GRIN3A: variants seen among roughly 807,000 people sequenced by gnomAD.
GRIN3A encodes glutamate receptor ionotropic, NMDA 3A.
In GRIN3A, 47 loss-of-function variants were observed where a neutral mutation model predicts 92.4. The observed-to-expected ratio is 0.51, with a 90% CI of 0.40 to 0.65. GRIN3A has a LOEUF of 0.65. Ranked by LOEUF, GRIN3A falls within the 30% of genes least tolerant of loss-of-function variation. The probability of loss-of-function intolerance (pLI) is 0.00; values close to 1 mark genes in which losing one functional copy is unlikely to be tolerated. For synonymous variants in GRIN3A, 527 were observed against 540.6 expected, an observed-to-expected ratio of 0.97 and a Z score of 0.35; for missense variants, 1,324 against 1,393.1, an observed-to-expected ratio of 0.95 and a Z score of 0.79.
chr9:101,612,161 G>A (rs1397207266), intron 6 of GRIN3A, among the ~76,000 whole-genome samples: 3 of 152,224 alleles, frequency 2.0e-5, no homozygotes, highest in Admixed American at 2.0e-4. Flanking sequence ...AACTAGTTAG[G>A]AGACTTTTAT....
intron 3 of GRIN3A, among the ~76,000 whole-genome samples, chr9:101,631,667 C>T (rs1307194236): frequency 6.6e-6 from 1 of 152,136 alleles, no homozygotes; most frequent in African/African-American, 2.4e-5. Context: ...TGTATTTGCT[C>T]ATCAGCTCCC....
At chr9:101,669,469 T>C (rs1009872424) in intron 3 of GRIN3A, among the ~76,000 whole-genome samples, 5 of 152,104 alleles carry the variant, frequency 3.3e-5, no homozygotes, top group African/African-American at 1.2e-4. Context: ...CTATGCAAGG[T>C]AGTCAGCTGA....
At chr9:101,654,992 C>A (rs1161884524) in intron 3 of GRIN3A, among the ~76,000 whole-genome samples, 7 of 151,790 alleles carry the variant, frequency 4.6e-5, no homozygotes, top group African/African-American at 1.7e-4. Flanking sequence ...GAATGAATTT[C>A]CTTCCTGCCA....
intron 1 of GRIN3A, among the ~76,000 whole-genome samples, chr9:101,710,162 G>A (rs117984645): frequency 0.01 from 1,556 of 152,250 alleles, 14 homozygotes; most frequent in South Asian, 0.017. Flanking sequence ...GGTAATTATA[G>A]GTAAATGATC....
At chr9:101,646,441 TCAGGTAGTGTGCTGATGC>T (rs773227925) in intron 3 of GRIN3A, among the ~76,000 whole-genome samples, 39 of 152,060 alleles carry the variant, frequency 2.6e-4, no homozygotes, top group Non-Finnish European at 4.6e-4. Context: ...TATTTTGAAA[TCAGGTAGTGTGCTGATGC>T]CAGGATTATT....
At chr9:101,661,334 C>T (rs1473104266) in intron 3 of GRIN3A, among the ~76,000 whole-genome samples, 2 of 151,768 alleles carry the variant, frequency 1.3e-5, no homozygotes, top group Non-Finnish European at 2.9e-5. Context: ...AGAAATAATA[C>T]AATAAATATT....
At position 101,670,797 on chromosome 9, in the gene GRIN3A, C is replaced by T. The variant is rs1410709115; in HGVS notation, c.1615G>A (p.Ala539Thr). The change falls in exon 3 of 9, where the codon GCT (alanine) becomes ACT (threonine). Residue 539 changes from alanine to threonine, a missense_variant. Transcript: ENST00000361820. ...ATGGGGTCTAGACAGAGTTGGCCAG[C>T]AGGGCACAAGCCTTCATCATCTACC... ...REVDDEGLCPAGQLCLDPMTN... is the reference protein window; with the variant it reads ...REVDDEGLCPTGQLCLDPMTN... 1 of 1,614,058 alleles carries T rather than the reference C, an allele frequency of 6.2e-7. No individual in the cohort carries two copies. The highest frequency in any genetic ancestry group is 8.5e-7 in the Non-Finnish European group (1 of 1,179,962).
intron 1 of GRIN3A, among the ~76,000 whole-genome samples, chr9:101,723,195 T>C (rs888392298): frequency 7.9e-5 from 12 of 152,164 alleles, no homozygotes; most frequent in African/African-American, 2.7e-4. Context: ...TCGCGGTGAG[T>C]GTTACAGCTC....
Position 101,613,403 on chromosome 9 carries a change from A to G in GRIN3A, c.2739T>C (p.Cys913=). The change falls in exon 6 of 9, where the codon TGT becomes TGC. Residue 913 remains cysteine (C), a synonymous_variant. Coordinates refer to ENST00000361820, the MANE Select transcript of GRIN3A (RefSeq NM_133445.3). ...CCGTGACAGCAAAACTTCTCTTGCC[A>G]CAGGGAACCACCCTGTACCACTTGT... ...LHDKWYRVVP[C]GKRSFAVTET... 6.2e-7 allele frequency: 1 copy of G among 1,614,210 alleles called. No homozygotes were observed. Among genetic ancestry groups the G allele is most frequent in the South Asian group, 1.1e-5 (1 of 91,076 alleles).
intron 1 of GRIN3A, among the ~76,000 whole-genome samples, chr9:101,696,086 C>T (rs761420832): frequency 1.3e-5 from 2 of 152,056 alleles, no homozygotes; most frequent in African/African-American, 2.4e-5. Flanking sequence ...ATCTCATAGG[C>T]GAAATAGACC....
intron 1 of GRIN3A, among the ~76,000 whole-genome samples, chr9:101,697,261 A>T (rs1168716300): frequency 1.3e-5 from 2 of 152,136 alleles, no homozygotes. Flanking sequence ...ATTTTATTTC[A>T]CTTTAATTGT....
At chr9:101,621,767 C>T (rs1423268816) in intron 5 of GRIN3A, among the ~76,000 whole-genome samples, 1 of 152,094 alleles carries the variant, frequency 6.6e-6, no homozygotes, top group Non-Finnish European at 1.5e-5. Context: ...AGAGTTGTCC[C>T]CTGAAGATAA....
intron 6 of GRIN3A, among the ~76,000 whole-genome samples, chr9:101,588,334 A>G (rs1306203285): frequency 6.6e-6 from 1 of 152,192 alleles, no homozygotes; most frequent in African/African-American, 2.4e-5. Context: ...GAGCCTGAGT[A>G]GTGCTCACAC....
intron 3 of GRIN3A, among the ~76,000 whole-genome samples, chr9:101,665,776 G>A (rs1829229994): frequency 6.6e-6 from 1 of 151,824 alleles, no homozygotes; most frequent in Non-Finnish European, 1.5e-5. Context: ...TTTGAAAAAT[G>A]AAAAGGGAAT....
At position 101,712,267 on chromosome 9, in the gene GRIN3A, TTTAA is replaced by T. The variant is rs1284324929; in HGVS notation, c.699+25010_699+25013del. 5.9e-5 allele frequency among the ~76,000 whole-genome samples: 9 copies of T among 152,312 alleles called. No homozygotes were observed. The East Asian group carries it at 1.5e-3, about 26-fold the overall frequency. On this transcript the variant is annotated intron_variant, in intron 1 of 8. Coordinates refer to ENST00000361820, the MANE Select transcript of GRIN3A (RefSeq NM_133445.3). ...CACCAATACACTTACTATCTGATGG[TTTAA>T]TTAATTACTTGGAAAACCTAGAAAG...
At chr9:101,674,180 A>C (rs1239770006) in intron 2 of GRIN3A, among the ~76,000 whole-genome samples, 1 of 152,074 alleles carries the variant, frequency 6.6e-6, no homozygotes, top group African/African-American at 2.4e-5. Flanking sequence ...ATCAGATCTG[A>C]GGCTACAGTG....
At position 101,726,723 on chromosome 9, in the gene GRIN3A, AATTT is replaced by A. The variant is rs1334743638; in HGVS notation, c.699+10554_699+10557del. On this transcript the variant is annotated intron_variant, in intron 1 of 8. Coordinates refer to ENST00000361820, the MANE Select transcript of GRIN3A (RefSeq NM_133445.3). ...AAATTTTTAAAATTTATGTTTTTAA[AATTT>A]ATTTATTTTAAATTTAAATTTAAAT... Among the ~76,000 whole-genome samples, 8 of 150,694 alleles carry A rather than the reference AATTT, an allele frequency of 5.3e-5. No individual in the cohort carries two copies. In the East Asian group the frequency reaches 1.2e-3, roughly 22 times the overall value.
chr9:101,616,528 A>T (rs1325650338), intron 5 of GRIN3A, among the ~76,000 whole-genome samples: 3 of 152,092 alleles, frequency 2.0e-5, no homozygotes, highest in African/African-American at 7.2e-5. Context: ...GCAACAAATA[A>T]TGTTATTAGA....
chr9:101,653,807 T>C (rs34649513), intron 3 of GRIN3A, among the ~76,000 whole-genome samples: 19,855 of 151,934 alleles, frequency 0.13, 1,583 homozygotes, highest in Admixed American at 0.19. Context: ...TGATTGATAA[T>C]TTATATTTAA....
Sources: gnomAD v4.1 joint callset for allele counts (sites outside exome capture counted in the v4.1 genomes callset) on GRCh38, gnomAD v4.1.1 for gene constraint, MANE v1.5 for transcripts, NCBI Gene and HGNC (gene_info 2026-07-23, HGNC 2026-07-21) for gene names.